RBP7: variants seen among roughly 807,000 people sequenced by gnomAD.
The protein encoded by RBP7 is retinol binding protein 7.
In RBP7, 13 loss-of-function variants were observed where a neutral mutation model predicts 16.7. That is an observed-to-expected ratio of 0.78 (90% CI 0.51 to 1.24). RBP7 has a LOEUF of 1.24. Ranked by LOEUF, RBP7 falls within the 50% of genes most tolerant of loss-of-function variation. RBP7 has a pLI of 0.00. For missense variants in RBP7, 145 were observed against 159.5 expected (o/e 0.91, Z 0.49); for synonymous variants, 54 against 56.2 (o/e 0.96, Z 0.17).
intron 3 of RBP7, among the ~76,000 whole-genome samples, chr1:10,010,704 C>T (rs1267229615): frequency 6.6e-6 from 1 of 151,982 alleles, no homozygotes; most frequent in East Asian, 1.9e-4. Flanking sequence ...CTGCCTCAGC[C>T]TTCCCAAGTA....
chr1:10,007,190 C>T (rs1642472576), intron 1 of RBP7: 1 of 294,532 alleles, frequency 3.4e-6, no homozygotes, highest in African/African-American at 2.3e-5. Flanking sequence ...AGGTGATCCG[C>T]CCTCCTCAGC....
chr1:10,004,308 G>C (rs1642362635), intron 1 of RBP7: 2 of 149,246 alleles, frequency 1.3e-5, no homozygotes, highest in African/African-American at 2.5e-5. Flanking sequence ...CCGACCTCAG[G>C]TGATCGCCCA....
chr1:10,000,269 C>G (rs973425162), intron 1 of RBP7, among the ~76,000 whole-genome samples: 1 of 151,674 alleles, frequency 6.6e-6, no homozygotes, highest in Non-Finnish European at 1.5e-5. Context: ...AGGTGGCTCA[C>G]GCCTATAATC....
At chr1:10,009,366 C>T (rs1429686387) in intron 3 of RBP7, among the ~76,000 whole-genome samples, 1 of 151,788 alleles carries the variant, frequency 6.6e-6, no homozygotes, top group Non-Finnish European at 1.5e-5. Context: ...GCCAAGATCG[C>T]ACCACTGCCC....
intron 1 of RBP7, among the ~76,000 whole-genome samples, chr1:9,999,987 T>C (rs529486677): frequency 6.6e-5 from 10 of 152,136 alleles, no homozygotes; most frequent in African/African-American, 2.4e-4. Context: ...CCCAGCACTT[T>C]GGGATGCTGA....
intron 1 of RBP7, among the ~76,000 whole-genome samples, chr1:10,002,478 C>G (rs924465016): frequency 1.3e-5 from 2 of 151,908 alleles, no homozygotes; most frequent in South Asian, 2.1e-4. Flanking sequence ...GTGACCAGAA[C>G]TTATGCTAAT....
chr1:10,007,376 C>T (rs997375523), intron 1 of RBP7, among the ~76,000 whole-genome samples, 194 bp from the exon 2 acceptor site: 2 of 152,038 alleles, frequency 1.3e-5, no homozygotes, highest in African/African-American at 4.8e-5. Flanking sequence ...CTGGCATTTG[C>T]AAACTTTTTA....
In RBP7 at chr1:10,007,722, A is replaced by G; in HGVS notation, c.226A>G (p.Arg76Gly). 1 of 1,613,774 alleles carries G rather than the reference A, an allele frequency of 6.2e-7. No homozygotes were observed. The highest frequency in any genetic ancestry group is 2.2e-5 in the East Asian group (1 of 44,886). The change falls in exon 2 of 4, where the codon AGA (arginine) becomes GGA (glycine). Residue 76 changes from arginine (R) to glycine (G), a missense_variant. Arg to Gly is a moderately radical substitution (Grantham distance 125). Transcript: ENST00000294435. ...TGGAGAAGAATTTGATGAAGATAAC[A>G]GAGGCCTGGACAACAGAAAATGCAA... ...KVGEEFDEDN[R>G]GLDNRKCKSL... is the part of the protein sequence containing the mutation.
chr1:10,000,255 G>T (rs1213119516), intron 1 of RBP7, among the ~76,000 whole-genome samples: 1 of 151,336 alleles, frequency 6.6e-6, no homozygotes, highest in Non-Finnish European at 1.5e-5. Context: ...CTAGCAGACT[G>T]GGCAGGTGGC....
At chr1:9,998,498 A>C (rs112408055) in intron 1 of RBP7, among the ~76,000 whole-genome samples, 3,995 of 140,886 alleles carry the variant, frequency 0.028, 67 homozygotes, top group African/African-American at 0.04. Context: ...AGCTCCGCCT[A>C]CCGGGTTCAC....
chr1:10,013,749 G>T (rs1312659488), intron 3 of RBP7, among the ~76,000 whole-genome samples: 2 of 152,034 alleles, frequency 1.3e-5, no homozygotes, highest in Non-Finnish European at 2.9e-5. Flanking sequence ...GGTGGAGGTT[G>T]CAGTGAGCCG....
At chr1:10,003,388 A>G (rs1642334000) in intron 1 of RBP7, among the ~76,000 whole-genome samples, 1 of 152,184 alleles carries the variant, frequency 6.6e-6, no homozygotes, top group Non-Finnish European at 1.5e-5. Flanking sequence ...TCGTGCTGCC[A>G]TTGCACTCCA....
chr1:10,007,059 A>G (rs148733190), intron 1 of RBP7: 6,456 of 368,780 alleles, frequency 0.018, 85 homozygotes, highest in Non-Finnish European at 0.026. Flanking sequence ...CAATTCTCCT[A>G]CTTCAGCCTC....
At chr1:10,010,116 T>C (rs577255316) in intron 3 of RBP7, among the ~76,000 whole-genome samples, 1 of 152,148 alleles carries the variant, frequency 6.6e-6, no homozygotes, top group Non-Finnish European at 1.5e-5. Context: ...ACAGCCTGTT[T>C]TGTTTTGTTT....
Position 10,015,835 on chromosome 1 carries a change from C to T in RBP7, c.*3C>T, listed in dbSNP as rs755881527. ...AACAGACATTCCAGAGAGCCTGATC[C>T]ACATCCAGCAGCAGAGCCCACTTGT... On this transcript the variant is annotated 3_prime_UTR_variant, in exon 4 of 4. Transcript: ENST00000294435. 9.9e-6 allele frequency: 16 copies of T among 1,613,680 alleles called. No homozygotes were observed. Among genetic ancestry groups the T allele is most frequent in the Non-Finnish European group, 1.4e-5 (16 of 1,179,776 alleles).
At chr1:10,015,370 C>T (rs762197659) in intron 3 of RBP7, among the ~76,000 whole-genome samples, 7 of 150,648 alleles carry the variant, frequency 4.6e-5, no homozygotes, top group Non-Finnish European at 1.0e-4. Context: ...AAGGCAATTC[C>T]GCTTAAAGGC....
chr1:10,006,235 G>T (rs1642437325), intron 1 of RBP7, among the ~76,000 whole-genome samples: 1 of 152,076 alleles, frequency 6.6e-6, no homozygotes, highest in East Asian at 1.9e-4. Flanking sequence ...AGCCGAGCAG[G>T]GTGGCTCATG....
chr1:10,008,553 G>A (rs1429896502), intron 3 of RBP7, among the ~76,000 whole-genome samples: 1 of 150,704 alleles, frequency 6.6e-6, no homozygotes. Context: ...CGATTCTCCT[G>A]CCTCAGCCTC....
At chr1:10,000,981 G>A (rs901497576) in intron 1 of RBP7, among the ~76,000 whole-genome samples, 2 of 152,144 alleles carry the variant, frequency 1.3e-5, no homozygotes, top group African/African-American at 2.4e-5. Flanking sequence ...TGATCCACCC[G>A]CCTTGGCCTC....
Sources: gnomAD v4.1 joint callset for allele counts (sites outside exome capture counted in the v4.1 genomes callset) on GRCh38, gnomAD v4.1.1 for gene constraint, MANE v1.5 for transcripts, NCBI Gene and HGNC (gene_info 2026-07-23, HGNC 2026-07-21) for gene names.